RANBP3L: variants seen among roughly 807,000 people sequenced by gnomAD.
The protein encoded by RANBP3L is RAN binding protein 3 like.
In RANBP3L, 56 loss-of-function variants were observed where a neutral mutation model predicts 67.2. The observed-to-expected ratio is 0.83, with a 90% CI of 0.67 to 1.04. RANBP3L has a LOEUF of 1.04. RANBP3L is among the 50% of genes least tolerant of loss of function. The pLI is 0.00. For missense variants in RANBP3L, 496 were observed against 535.5 expected (o/e 0.93, Z 0.73); for synonymous variants, 164 against 181.4 (o/e 0.90, Z 0.77).
At chr5:36,281,597 C>T (rs1193213029) in intron 1 of RANBP3L, among the ~76,000 whole-genome samples, 1 of 152,092 alleles carries the variant, frequency 6.6e-6, no homozygotes, top group Non-Finnish European at 1.5e-5. Flanking sequence ...TTTCATGGTT[C>T]TGTATAAACC....
chr5:36,257,161 T>G (rs779094250), intron 9 of RANBP3L, 90 bp from the exon 10 acceptor site: 195 of 1,139,146 alleles, frequency 1.7e-4, no homozygotes, highest in Non-Finnish European at 2.2e-4. Flanking sequence ...ATATATCTAC[T>G]TGGCTTCTTC....
At chr5:36,253,287 G>A (rs1400743650) in intron 12 of RANBP3L, among the ~76,000 whole-genome samples, 1 of 152,040 alleles carries the variant, frequency 6.6e-6, no homozygotes, top group African/African-American at 2.4e-5. Context: ...ATCTCAGCTT[G>A]CAGGATAAGC....
intron 1 of RANBP3L, among the ~76,000 whole-genome samples, chr5:36,280,301 G>A (rs1053910715): frequency 1.3e-5 from 2 of 152,142 alleles, no homozygotes; most frequent in African/African-American, 4.8e-5. Context: ...AAAACTCTTG[G>A]GTTGAAGGCA....
intron 12 of RANBP3L, among the ~76,000 whole-genome samples, chr5:36,252,906 T>C (rs1198878996): frequency 6.6e-6 from 1 of 152,132 alleles, no homozygotes; most frequent in Non-Finnish European, 1.5e-5. Context: ...TTTTTTTCCA[T>C]ATTACTACAT....
At chr5:36,289,603 A>C (rs186761317) in intron 1 of RANBP3L, among the ~76,000 whole-genome samples, 339 of 152,286 alleles carry the variant, frequency 2.2e-3, no homozygotes, top group Non-Finnish European at 3.7e-3. Context: ...CAAGTCTTGC[A>C]CGTATTTTGT....
chr5:36,256,429 G>A (rs1748980821), intron 10 of RANBP3L, among the ~76,000 whole-genome samples: 1 of 152,058 alleles, frequency 6.6e-6, no homozygotes, highest in Admixed American at 6.6e-5. Flanking sequence ...ATGTGCTTGT[G>A]CTGATGGTGA....
chr5:36,281,474 T>C (rs369884738), intron 1 of RANBP3L, among the ~76,000 whole-genome samples: 1 of 152,150 alleles, frequency 6.6e-6, no homozygotes, highest in Non-Finnish European at 1.5e-5. Flanking sequence ...CTCCAAATCT[T>C]TTTTCTCTAA....
rs1214480527 is a variant in RANBP3L at position 36,247,942 on chromosome 5, A to G, written c.*1712T>C. ...ATTTGTTCTCTTCTTCACTTTAGCA[A>G]TTTATAGTGCAATCACAATGTTCCC... On this transcript the variant is annotated 3_prime_UTR_variant, in exon 14 of 14. Coordinates refer to ENST00000296604, the MANE Select transcript of RANBP3L (RefSeq NM_145000.5). 6.6e-6 allele frequency among the ~76,000 whole-genome samples: 1 copy of G among 152,198 alleles called. No individual in the cohort carries two copies. Among genetic ancestry groups the G allele is most frequent in the Admixed American group, 6.5e-5 (1 of 15,280 alleles).
At chr5:36,279,683 T>C (rs764029111) in intron 1 of RANBP3L, among the ~76,000 whole-genome samples, 1 of 152,198 alleles carries the variant, frequency 6.6e-6, no homozygotes, top group African/African-American at 2.4e-5. Flanking sequence ...ATACCAGATG[T>C]ATATGAAGTA....
At chr5:36,300,943 G>GA in intron 1 of RANBP3L, among the ~76,000 whole-genome samples, 1 of 152,244 alleles carries the variant, frequency 6.6e-6, no homozygotes, top group African/African-American at 2.4e-5. Flanking sequence ...TAAACAAAGT[G>GA]AAAAAAGTGT....
chr5:36,295,389 C>T (rs374008270), intron 1 of RANBP3L, among the ~76,000 whole-genome samples: 67 of 152,156 alleles, frequency 4.4e-4, no homozygotes, highest in Non-Finnish European at 5.3e-4. Context: ...CGTCTTTGCT[C>T]GTCACTTCTC....
intron 1 of RANBP3L, among the ~76,000 whole-genome samples, chr5:36,283,164 T>G (rs960938223): frequency 6.6e-6 from 1 of 152,020 alleles, no homozygotes; most frequent in Non-Finnish European, 1.5e-5. Flanking sequence ...TTCAAGTAAT[T>G]CTCGTGCCTC....
intron 1 of RANBP3L, among the ~76,000 whole-genome samples, chr5:36,291,925 A>G (rs1224248275): frequency 2.2e-5 from 3 of 136,956 alleles, no homozygotes; most frequent in Admixed American, 1.5e-4. Flanking sequence ...CAGTAATGGG[A>G]TGGCTGGGTC....
rs1342507597 is a variant in RANBP3L at position 36,247,226 on chromosome 5, C to G, written c.*2428G>C. Among the ~76,000 whole-genome samples, 1 of 152,156 alleles carries G rather than the reference C, an allele frequency of 6.6e-6. No individual in the cohort carries two copies. Among genetic ancestry groups the G allele is most frequent in the African/African-American group, 2.4e-5 (1 of 41,438 alleles). ...AAGGAAAAACTATAAAATGTTTCTA[C>G]TATTCCTCCAAAATTGTACTAAATA... On this transcript the variant is annotated 3_prime_UTR_variant, in exon 14 of 14. Coordinates refer to ENST00000296604, the MANE Select transcript of RANBP3L (RefSeq NM_145000.5).
intron 1 of RANBP3L, among the ~76,000 whole-genome samples, chr5:36,285,711 G>T (rs967103675): frequency 6.6e-6 from 1 of 152,090 alleles, no homozygotes; most frequent in Non-Finnish European, 1.5e-5. Context: ...CTCAGGTATG[G>T]TTACCAGCAC....
chr5:36,266,460 A>G (rs1411912904), intron 4 of RANBP3L, among the ~76,000 whole-genome samples: 1 of 152,198 alleles, frequency 6.6e-6, no homozygotes, highest in African/African-American at 2.4e-5. Flanking sequence ...AAGGTGTTAT[A>G]AATGTTGGGG....
intron 4 of RANBP3L, among the ~76,000 whole-genome samples, chr5:36,266,881 C>G (rs1429405930): frequency 6.6e-6 from 1 of 152,146 alleles, no homozygotes; most frequent in Non-Finnish European, 1.5e-5. Context: ...CTCAGCGCCC[C>G]AAGTAGCTGG....
rs1299548365 is a variant in RANBP3L at position 36,253,521 on chromosome 5, CAT to C, written c.1167+124_1167+125del. On this transcript the variant is annotated intron_variant, in intron 12 of 13. Transcript: ENST00000296604. ...ATTTATGTCTTATGCTATAAACAGA[CAT>C]AATGAATGGCTGAGTTTTTGCCAAT... 8 of 697,122 alleles carry C rather than the reference CAT, an allele frequency of 1.1e-5. No homozygotes were observed. In the East Asian group the frequency reaches 2.1e-4, roughly 18 times the overall value. 43.2% of individuals were successfully genotyped at this position (697,122 alleles called of 1,614,324 possible). A position where few individuals can be genotyped will look rare whatever the true frequency, so the allele number is the denominator to read the frequency against.
chr5:36,276,610 T>C (rs1750587975), intron 1 of RANBP3L, among the ~76,000 whole-genome samples: 1 of 152,152 alleles, frequency 6.6e-6, no homozygotes, highest in Non-Finnish European at 1.5e-5. Context: ...CTATTTTATG[T>C]ACTATATACC....
Sources: allele counts gnomAD v4.1 joint callset (sites outside exome capture counted in the v4.1 genomes callset), GRCh38; gene constraint gnomAD v4.1.1; transcripts MANE v1.5; gene names NCBI Gene and HGNC (gene_info 2026-07-23, HGNC 2026-07-21).